STAT1: variants seen among roughly 807,000 people sequenced by gnomAD.
STAT1 encodes the protein signal transducer and activator of transcription 1-alpha/beta.
In STAT1, 24 loss-of-function variants were observed where a neutral mutation model predicts 111.7. The ratio of observed to expected loss-of-function variants is 0.21; its 90% CI spans 0.16 to 0.30. The LOEUF is 0.30. STAT1 is among the 10% of genes least tolerant of loss of function. The probability of loss-of-function intolerance (pLI) is 1.00; values close to 1 mark genes in which losing one functional copy is unlikely to be tolerated. For synonymous variants in STAT1, 332 were observed against 326.5 expected (o/e 1.02, Z -0.18); for missense variants, 351 against 911.9 (o/e 0.38, Z 7.92).
At position 190,987,070 on chromosome 2, in the gene STAT1, T is replaced by A; in HGVS notation, c.1098-2A>T. ...ACTGTATTTCTCTCATTCACATCTCTGCAAAAAAAATATATATAATCACAT... is the reference window on the plus strand; with the variant it reads ...ACTGTATTTCTCTCATTCACATCTCAGCAAAAAAAATATATATAATCACAT... On this transcript the variant is annotated splice_acceptor_variant, in intron 12 of 24. Transcript: ENST00000361099. LOFTEE classifies it high-confidence loss of function. The surrounding 1 kb of genome is among the most constrained non-coding windows in gnomAD (Gnocchi z 4.0). 6.2e-7 allele frequency: 1 copy of A among 1,604,684 alleles called. No homozygotes were observed. Among genetic ancestry groups the A allele is most frequent in the Non-Finnish European group, 8.5e-7 (1 of 1,172,840 alleles).
rs965501868 is a variant in STAT1 at position 191,000,563 on chromosome 2, G to A, written c.462+511C>T. Among the ~76,000 whole-genome samples the A allele has an allele frequency of 3.9e-5, 6 of 152,182 alleles. No homozygotes were observed. The highest frequency in any genetic ancestry group is 7.3e-5 in the Non-Finnish European group (5 of 68,040). On this transcript the variant is annotated intron_variant, in intron 6 of 24. Transcript: ENST00000361099. The surrounding 1 kb of genome is among the most constrained non-coding windows in gnomAD (Gnocchi z 4.8). ...GGAGTAAATGCGCACCATCGAGGAC[G>A]CCAGAGCAGCCCTCTGCTTCCATAA...
In STAT1 at chr2:190,995,242, T is replaced by C. The variant is rs1693759817; in HGVS notation, c.786-23A>G. On this transcript the variant is annotated intron_variant, in intron 9 of 24. Coordinates refer to ENST00000361099, the MANE Select transcript of STAT1 (RefSeq NM_007315.4). This position sits in a 1 kb window ranked among gnomAD's most constrained non-coding sequence, Gnocchi z 4.2. ...AACCTGGGAAGACACAAGACACAGA[T>C]GTCTCTATGAGAAACAGTCCAGAAG... 3 of 1,613,596 alleles carry C rather than the reference T, an allele frequency of 1.9e-6. No homozygotes were observed. The East Asian group carries it at 6.7e-5, about 36-fold the overall frequency.
At chr2:190,991,367 G>T in intron 10 of STAT1, 47 bp from the exon 11 acceptor site, 1 of 1,571,560 alleles carries the variant, frequency 6.4e-7, no homozygotes, top group South Asian at 1.1e-5. Context: ...TTCCATTAAG[G>T]TTGAGGCAAT....
chr2:190,982,327 G>T lies in STAT1; in HGVS notation c.1582+56C>A. On this transcript the variant is annotated intron_variant, in intron 18 of 24. Coordinates refer to ENST00000361099, the MANE Select transcript of STAT1 (RefSeq NM_007315.4). The surrounding 1 kb of genome is among the most constrained non-coding windows in gnomAD (Gnocchi z 7.3). Reference sequence around the variant, plus strand: ...AGCAGAGGGGAAAAGAGCAATTAGAGAGATATTTTTATGAATTTCAATTTT... The same window carrying T: ...AGCAGAGGGGAAAAGAGCAATTAGATAGATATTTTTATGAATTTCAATTTT... The T allele has an allele frequency of 6.3e-7, 1 of 1,594,710 alleles. No individual in the cohort carries two copies. Among genetic ancestry groups the T allele is most frequent in the Non-Finnish European group, 8.6e-7 (1 of 1,162,914 alleles).
In STAT1 at chr2:190,984,595, C is replaced by T. The variant is rs1170485821; in HGVS notation, c.1264-202G>A. Among the ~76,000 whole-genome samples, 3 of 152,154 alleles carry T rather than the reference C, an allele frequency of 2.0e-5. No individual in the cohort carries two copies. Among genetic ancestry groups the T allele is most frequent in the African/African-American group, 4.8e-5 (2 of 41,424 alleles). The stretch of plus-strand genomic sequence containing the variant: ...TCTGAAAGATAAGTGTCTGAAGTTA[C>T]GGCAAGGGTTATAGATTCAGAGCAA... On this transcript the variant is annotated intron_variant, in intron 15 of 24. Transcript: ENST00000361099. The surrounding 1 kb of genome is among the most constrained non-coding windows in gnomAD (Gnocchi z 5.2).
rs1693231676 is a variant in STAT1, at chr2:190,990,531, A to C, written c.1037+697T>G. ...AACACTTCTACAATTAGTATCGAGGAGAAAGACTACAAAACAATGTATGTA... is the reference window on the plus strand; with the variant it reads ...AACACTTCTACAATTAGTATCGAGGCGAAAGACTACAAAACAATGTATGTA... On this transcript the variant is annotated intron_variant, in intron 11 of 24. Transcript: ENST00000361099. The surrounding 1 kb of genome is among the most constrained non-coding windows in gnomAD (Gnocchi z 5.1). Among the ~76,000 whole-genome samples the C allele has an allele frequency of 6.6e-6, 1 of 152,252 alleles. No homozygotes were observed. Among genetic ancestry groups the C allele is most frequent in the Non-Finnish European group, 1.5e-5 (1 of 68,046 alleles).
Position 190,987,070 on chromosome 2 carries a change from T to C in STAT1, c.1098-2A>G. ...ACTGTATTTCTCTCATTCACATCTC[T>C]GCAAAAAAAATATATATAATCACAT... On this transcript the variant is annotated splice_acceptor_variant, in intron 12 of 24. Coordinates refer to ENST00000361099, the MANE Select transcript of STAT1 (RefSeq NM_007315.4). LOFTEE classifies it high-confidence loss of function. This position sits in a 1 kb window ranked among gnomAD's most constrained non-coding sequence, Gnocchi z 4.0. 6.2e-7 allele frequency: 1 copy of C among 1,604,684 alleles called. No individual in the cohort carries two copies. Among genetic ancestry groups the C allele is most frequent in the Non-Finnish European group, 8.5e-7 (1 of 1,172,840 alleles).
chr2:190,991,219 C>A lies in STAT1; in HGVS notation c.1037+9G>T. On this transcript the variant is annotated intron_variant, in intron 11 of 24. Transcript: ENST00000361099. ...GGTGATGTATGGGATGCCATCTTTC[C>A]CTTGTTACCTCAACTTCACAGTGAA... 6.2e-7 allele frequency: 1 copy of A among 1,613,746 alleles called. No homozygotes were observed. The highest frequency in any genetic ancestry group is 2.2e-5 in the East Asian group (1 of 44,878).
At position 190,979,183 on chromosome 2, in the gene STAT1, T is replaced by C. The variant is rs1456609975; in HGVS notation, c.1728-182A>G. 6.6e-6 allele frequency among the ~76,000 whole-genome samples: 1 copy of C among 152,212 alleles called. No individual in the cohort carries two copies. The highest frequency in any genetic ancestry group is 1.5e-5 in the Non-Finnish European group (1 of 68,036). On this transcript the variant is annotated intron_variant, in intron 20 of 24. Transcript: ENST00000361099. This position sits in a 1 kb window ranked among gnomAD's most constrained non-coding sequence, Gnocchi z 5.8. ...GAAGCATTTCACTTATACATGTATA[T>C]ACTAAGGTTTTAAAAAAAGCGATAT...
At position 190,974,746 on chromosome 2, in the gene STAT1, G is replaced by T; in HGVS notation, c.2238+84C>A. The T allele has an allele frequency of 8.1e-7, 1 of 1,237,658 alleles. No homozygotes were observed. The highest frequency in any genetic ancestry group is 1.2e-6 in the Non-Finnish European group (1 of 841,360). 76.7% of individuals were successfully genotyped at this position (1,237,658 alleles called of 1,614,324 possible). A position where few individuals can be genotyped will look rare whatever the true frequency, so the allele number is the denominator to read the frequency against. ...CGCCAGGGCTCCCTCCCGCAGACAG[G>T]CCCGGGATCTGCCATGGTGCGCTCC... is the stretch of plus-strand genomic sequence containing the variant. On this transcript the variant is annotated intron_variant, in intron 24 of 24. Transcript: ENST00000361099. This position sits in a 1 kb window ranked among gnomAD's most constrained non-coding sequence, Gnocchi z 4.8.
In STAT1 at chr2:190,974,893, G is replaced by T. The variant is rs202223464; in HGVS notation, c.2175C>A (p.Pro725=). 2 of 1,614,216 alleles carry T rather than the reference G, an allele frequency of 1.2e-6. No homozygotes were observed. The highest frequency in any genetic ancestry group is 4.5e-5 in the East Asian group (2 of 44,890). The change falls in exon 24 of 25, where the codon CCC becomes CCA. Residue 725 remains proline, a synonymous_variant. Transcript: ENST00000361099. This position sits in a 1 kb window ranked among gnomAD's most constrained non-coding sequence, Gnocchi z 4.8. The part of the protein sequence containing the change: ...SRLQTTDNLL[P]MSPEEFDEVS... ...CCTCGTCAAACTCCTCAGGAGACAT[G>T]GGGAGCAGGTTGTCTGTGGTCTGAA...
chr2:191,011,712 C>T (rs952433051), intron 2 of STAT1, among the ~76,000 whole-genome samples: 1 of 152,162 alleles, frequency 6.6e-6, no homozygotes, highest in South Asian at 2.1e-4. Context: ...AGCCTCATGA[C>T]ATCTGATGGT....
Position 190,998,070 on chromosome 2 carries a change from T to A in STAT1, c.634-63A>T, listed in dbSNP as rs1450371398. On this transcript the variant is annotated intron_variant, in intron 8 of 24. Coordinates refer to ENST00000361099, the MANE Select transcript of STAT1 (RefSeq NM_007315.4). This position sits in a 1 kb window ranked among gnomAD's most constrained non-coding sequence, Gnocchi z 4.1. ...TTTTTAATCACTGAATTTTAAAATATTTTTTAAAAGAAAAGCAAATATCAT... is the reference window on the plus strand; with the variant it reads ...TTTTTAATCACTGAATTTTAAAATAATTTTTAAAAGAAAAGCAAATATCAT... The A allele has an allele frequency of 6.3e-7, 1 of 1,589,068 alleles. No individual in the cohort carries two copies. Among genetic ancestry groups the A allele is most frequent in the African/African-American group, 1.4e-5 (1 of 73,246 alleles).
rs993821800 is a variant in STAT1 at position 190,986,798 on chromosome 2, T to C, written c.1221+56A>G. 57 of 1,546,360 alleles carry C rather than the reference T, an allele frequency of 3.7e-5. No individual in the cohort carries two copies. Among genetic ancestry groups the C allele is most frequent in the Non-Finnish European group, 4.6e-5 (52 of 1,118,560 alleles). On this transcript the variant is annotated intron_variant, in intron 14 of 24. Coordinates refer to ENST00000361099, the MANE Select transcript of STAT1 (RefSeq NM_007315.4). This position sits in a 1 kb window ranked among gnomAD's most constrained non-coding sequence, Gnocchi z 5.0. The stretch of plus-strand genomic sequence containing the variant: ...CAATGTGCCAAAAAGGGCTGCTCTA[T>C]TGTCAAAAGTCCTAAGAAACCAGAG...
At position 190,986,920 on chromosome 2, in the gene STAT1, C is replaced by T. The variant is rs41270237; in HGVS notation, c.1155G>A (p.Thr385=). 5,943 of 1,614,156 alleles carry T rather than the reference C, an allele frequency of 3.7e-3. 28 individuals carry two copies. Among genetic ancestry groups the T allele is most frequent in the Middle Eastern group, 0.019 (118 of 6,062 alleles). The change falls in exon 14 of 25, where the codon ACG becomes ACA. Residue 385 remains threonine, a synonymous_variant. Coordinates refer to ENST00000361099, the MANE Select transcript of STAT1 (RefSeq NM_007315.4). This position sits in a 1 kb window ranked among gnomAD's most constrained non-coding sequence, Gnocchi z 5.0. ...KGFRKFNILG[T]HTKVMNMEES... Reference sequence around the variant, plus strand: ...CCTCCATGTTCATCACTTTTGTGTGCGTGCCCAAAATGTTGAACTTCCTAA... The same window carrying T: ...CCTCCATGTTCATCACTTTTGTGTGTGTGCCCAAAATGTTGAACTTCCTAA...
chr2:190,995,480 C>T lies in STAT1; in HGVS notation c.786-261G>A, dbSNP rs1186194335. On this transcript the variant is annotated intron_variant, in intron 9 of 24. Transcript: ENST00000361099. The surrounding 1 kb of genome is among the most constrained non-coding windows in gnomAD (Gnocchi z 4.2). ...GCAAGAGAGTTTGTGGAGGGAAATT[C>T]CCACTTATAAAACCATCAGATCTCG... 6.6e-6 allele frequency among the ~76,000 whole-genome samples: 1 copy of T among 152,146 alleles called. No homozygotes were observed. The highest frequency in any genetic ancestry group is 1.5e-5 in the Non-Finnish European group (1 of 68,038).
chr2:190,982,619 T>C lies in STAT1; in HGVS notation c.1447-101A>G, dbSNP rs2125018883. The C allele has an allele frequency of 1.5e-6, 2 of 1,309,926 alleles. No homozygotes were observed. Among genetic ancestry groups the C allele is most frequent in the Non-Finnish European group, 1.1e-6 (1 of 907,074 alleles). The allele number at this position is 1,309,926 out of a possible 1,614,324, so 81.1% of individuals were successfully genotyped here. A position where few individuals can be genotyped will look rare whatever the true frequency, so the allele number is the denominator to read the frequency against. ...CATCCCAAAGTTCAATTCTAGTTTATATGACACACAGGTGCTTTCACAGTA... is the reference window on the plus strand; with the variant it reads ...CATCCCAAAGTTCAATTCTAGTTTACATGACACACAGGTGCTTTCACAGTA... On this transcript the variant is annotated intron_variant, in intron 17 of 24. Transcript: ENST00000361099. The surrounding 1 kb of genome is among the most constrained non-coding windows in gnomAD (Gnocchi z 7.3).
chr2:191,007,600 T>C lies in STAT1; in HGVS notation c.335A>G (p.Glu112Gly). The change falls in exon 5 of 25, where the codon GAA (glutamate) becomes GGA (glycine). Residue 112 changes from glutamate to glycine, a missense_variant. Physicochemically the swap from Glu to Gly is moderately conservative, Grantham distance 98. Transcript: ENST00000361099. This position sits in a 1 kb window ranked among gnomAD's most constrained non-coding sequence, Gnocchi z 4.2. Reference sequence around the variant, plus strand: ...CTGGGCGTTTTCCAGAATTTTCCTTTCTTCCTTCAGACAGCTGTAAATGAT... The same window carrying C: ...CTGGGCGTTTTCCAGAATTTTCCTTCCTTCCTTCAGACAGCTGTAAATGAT... Reference protein sequence around the residue: ...SMIIYSCLKEERKILENAQRF... With the variant: ...SMIIYSCLKEGRKILENAQRF... 1 of 1,613,830 alleles carries C rather than the reference T, an allele frequency of 6.2e-7. No individual in the cohort carries two copies. Among genetic ancestry groups the C allele is most frequent in the East Asian group, 2.2e-5 (1 of 44,804 alleles).
rs763252598 is a variant in STAT1, at chr2:190,991,254, T to C, written c.1011A>G (p.Thr337=). 2.2e-5 allele frequency: 36 copies of C among 1,614,052 alleles called. No homozygotes were observed. In the South Asian group the frequency reaches 3.3e-4, roughly 15 times the overall value. Residue 337 remains threonine, a synonymous_variant, in exon 11 of 25, where the codon ACA becomes ACG. Coordinates refer to ENST00000361099, the MANE Select transcript of STAT1 (RefSeq NM_007315.4). ...TCAACTTCACAGTGAACTGGACCCC[T>C]GTCTTCAAGACCAGCGGCCTCTGAG... is the stretch of plus-strand genomic sequence containing the variant. ...THPQRPLVLK[T]GVQFTVKLRL...
Sources: allele counts gnomAD v4.1 joint callset (sites outside exome capture counted in the v4.1 genomes callset), GRCh38; gene constraint gnomAD v4.1.1; non-coding constraint Gnocchi (gnomAD v3.1); transcripts MANE v1.5; gene names NCBI Gene and HGNC (gene_info 2026-07-23, HGNC 2026-07-21).